NEXN: variants seen among roughly 807,000 people sequenced by gnomAD.
NEXN encodes the protein nexilin F-actin binding protein.
Under a neutral mutation model 92.6 loss-of-function variants are expected in NEXN, and 65 were observed. That is an observed-to-expected ratio of 0.70 (90% CI 0.57 to 0.86). The LOEUF (loss-of-function observed/expected upper bound fraction) is 0.86. Among genes scored for constraint, NEXN ranks in the 40% least tolerant of loss-of-function variants. NEXN has a pLI of 0.00. For synonymous variants in NEXN, 254 were observed against 242.5 expected, an observed-to-expected ratio of 1.05 and a Z score of -0.44; for missense variants, 778 against 771.1, an observed-to-expected ratio of 1.01 and a Z score of -0.11.
chr1:77,905,177 G>A (rs534736618), intron 1 of NEXN, among the ~76,000 whole-genome samples: 54 of 151,236 alleles, frequency 3.6e-4, no homozygotes, highest in African/African-American at 1.2e-3. Flanking sequence ...CAGGAGAATC[G>A]CTTGAACCCG....
rs372603998 is a variant in NEXN, at chr1:77,935,810, A to C, written c.1252-13A>C. On this transcript the variant is annotated splice_polypyrimidine_tract_variant and intron_variant, in intron 10 of 12. Coordinates refer to ENST00000334785, the MANE Select transcript of NEXN (RefSeq NM_144573.4). ...AAAAACAGCAGCAACAAACTTATTA[A>C]TTTTTTTTGAAGGAAGAGGAAGAAA... 1 of 1,600,656 alleles carries C rather than the reference A, an allele frequency of 6.2e-7. No homozygotes were observed. Among genetic ancestry groups the C allele is most frequent in the African/African-American group, 1.3e-5 (1 of 74,608 alleles).
intron 8 of NEXN, among the ~76,000 whole-genome samples, chr1:77,928,102 A>G (rs1041307138): frequency 3.9e-5 from 6 of 152,092 alleles, no homozygotes; most frequent in Admixed American, 6.6e-5. Flanking sequence ...TGAGCCCAGG[A>G]GTTTGAGACC....
At chr1:77,926,373 G>C in intron 6 of NEXN, 41 bp from the exon 7 acceptor site, 1 of 1,447,262 alleles carries the variant, frequency 6.9e-7, no homozygotes, top group Non-Finnish European at 9.6e-7. Context: ...ACCCAATTTT[G>C]ATTAAGAAGA....
rs548560499 is a variant in NEXN at position 77,903,907 on chromosome 1, AGAGT to A, written c.-52-12144_-52-12141del. 5.3e-5 allele frequency among the ~76,000 whole-genome samples: 8 copies of A among 152,348 alleles called. No individual in the cohort carries two copies. The South Asian group carries it at 1.7e-3, about 32-fold the overall frequency. On this transcript the variant is annotated intron_variant, in intron 1 of 12. Transcript: ENST00000334785. ...ACCACTTCTCTCCAGCCTGGGCGAC[AGAGT>A]GAGATCCTGTCAAGAAAGAAAGGAA...
Position 77,935,973 on chromosome 1 carries a change from G to A in NEXN, c.1402G>A (p.Glu468Lys). Residue 468 changes from glutamate to lysine, a missense_variant, in exon 11 of 13, where the codon GAA becomes AAA. Glu to Lys is a moderately conservative substitution (Grantham distance 56). Coordinates refer to ENST00000334785, the MANE Select transcript of NEXN (RefSeq NM_144573.4). ...LSEKEIQKKIEEERARRRAID... is the reference protein window; with the variant it reads ...LSEKEIQKKIKEERARRRAID... ...TGAAAAAGAAATACAGAAAAAAATA[G>A]AAGAAGAGCGAGCAAGAAGGAGAGC... The A allele has an allele frequency of 6.2e-7, 1 of 1,613,556 alleles. No homozygotes were observed. The highest frequency in any genetic ancestry group is 8.5e-7 in the Non-Finnish European group (1 of 1,179,746).
chr1:77,933,508 C>T, intron 10 of NEXN, 29 bp downstream of exon 10: 1 of 1,434,682 alleles, frequency 7.0e-7, no homozygotes, highest in Non-Finnish European at 9.8e-7. Context: ...TCTATATTCC[C>T]CATATTTATT....
At chr1:77,890,305 C>CA (rs1321721557) in intron 1 of NEXN, among the ~76,000 whole-genome samples, 1 of 152,174 alleles carries the variant, frequency 6.6e-6, no homozygotes, top group Non-Finnish European at 1.5e-5. Flanking sequence ...AAAACCACAA[C>CA]AAAATTATTT....
chr1:77,912,371 C>G (rs528400511), intron 1 of NEXN, among the ~76,000 whole-genome samples: 31 of 151,970 alleles, frequency 2.0e-4, no homozygotes, highest in African/African-American at 7.5e-4. Context: ...TATTAATTCT[C>G]CCTAGATCCA....
intron 6 of NEXN, among the ~76,000 whole-genome samples, 168 bp downstream of exon 6, chr1:77,925,397 A>T (rs1207347063): frequency 6.6e-6 from 1 of 152,166 alleles, no homozygotes; most frequent in African/African-American, 2.4e-5. Flanking sequence ...GCACTTTCAA[A>T]CACTATAGCT....
chr1:77,931,940 T>G (rs566713076), intron 9 of NEXN: 39 of 151,542 alleles, frequency 2.6e-4, no homozygotes, highest in African/African-American at 9.5e-4. Flanking sequence ...TAATCTTTTG[T>G]TTTTTTTGAG....
At chr1:77,901,528 C>T (rs190273614) in intron 1 of NEXN, among the ~76,000 whole-genome samples, 117 of 152,242 alleles carry the variant, frequency 7.7e-4, no homozygotes, top group African/African-American at 2.7e-3. Flanking sequence ...CTTTTGGTCA[C>T]TGTTTTCTCT....
At chr1:77,928,975 C>T (rs1294707373) in intron 8 of NEXN, among the ~76,000 whole-genome samples, 19 of 152,168 alleles carry the variant, frequency 1.2e-4, no homozygotes, top group Admixed American at 1.2e-3. Flanking sequence ...TGGTCTTGAA[C>T]TCCTGGGTTC....
chr1:77,896,337 T>C (rs1647254971), intron 1 of NEXN, among the ~76,000 whole-genome samples: 1 of 152,250 alleles, frequency 6.6e-6, no homozygotes, highest in South Asian at 2.1e-4. Context: ...TCCTTTTTTA[T>C]TTACTTGTTT....
At chr1:77,927,868 CAAGTT>C (rs1649987425) in intron 8 of NEXN, among the ~76,000 whole-genome samples, 2 of 150,810 alleles carry the variant, frequency 1.3e-5, no homozygotes, top group African/African-American at 4.9e-5. Flanking sequence ...AATGGTTAAA[CAAGTT>C]AATATCTAGG....
Position 77,933,310 on chromosome 1 carries a change from A to G in NEXN, c.1082A>G (p.Tyr361Cys), listed in dbSNP as rs541863348. ...GTAGATGATGACTCCCCAGAGATGT[A>G]TAAGACAATCTCTCAAGAATTTCTT... ...MVVDDDSPEM[Y>C]KTISQEFLTP... Residue 361 changes from tyrosine to cysteine, a missense_variant, in exon 10 of 13, where the codon TAT (tyrosine) becomes TGT (cysteine). Around this residue, in one of 3 missense-constraint regions of NEXN, gnomAD observed 532 missense variants for 476.7 expected, o/e 1.12. Coordinates refer to ENST00000334785, the MANE Select transcript of NEXN (RefSeq NM_144573.4). 4 of 1,604,186 alleles carry G rather than the reference A, an allele frequency of 2.5e-6. No homozygotes were observed. Among genetic ancestry groups the G allele is most frequent in the African/African-American group, 2.7e-5 (2 of 74,770 alleles).
chr1:77,920,055 C>T (rs1367288471), intron 5 of NEXN, among the ~76,000 whole-genome samples: 1 of 152,010 alleles, frequency 6.6e-6, no homozygotes, highest in Admixed American at 6.6e-5. Flanking sequence ...CATGCCACCA[C>T]TCCCAGCTAA....
chr1:77,920,940 T>C (rs1381016388), intron 5 of NEXN, among the ~76,000 whole-genome samples: 1 of 152,210 alleles, frequency 6.6e-6, no homozygotes, highest in Non-Finnish European at 1.5e-5. Context: ...ACACTATACC[T>C]GAACTTCTGA....
chr1:77,939,999 G>A (rs566604364), intron 11 of NEXN, among the ~76,000 whole-genome samples: 7 of 152,118 alleles, frequency 4.6e-5, no homozygotes, highest in South Asian at 2.1e-4. Context: ...GCTTGAACCC[G>A]GGAGACAGGG....
chr1:77,906,125 GA>G (rs1238276287), intron 1 of NEXN, among the ~76,000 whole-genome samples: 2 of 152,138 alleles, frequency 1.3e-5, no homozygotes, highest in African/African-American at 2.4e-5. Context: ...TCAGAGACAT[GA>G]AAAAACAGAG....
Sources: gnomAD v4.1 joint callset for allele counts (sites outside exome capture counted in the v4.1 genomes callset) on GRCh38, gnomAD v4.1.1 for gene constraint, gnomAD v4.1.1 regional missense constraint, MANE v1.5 for transcripts, NCBI Gene and HGNC (gene_info 2026-07-23, HGNC 2026-07-21) for gene names.